The following ITGBL1 variants were observed in gnomAD, a reference collection of about 807,000 sequenced individuals.
The protein encoded by ITGBL1 is integrin beta-like protein 1.
A neutral mutation model predicts 68.5 loss-of-function variants in ITGBL1; 51 were observed. That is an observed-to-expected ratio of 0.74 (90% CI 0.59 to 0.94). ITGBL1 has a LOEUF of 0.94. Among genes scored for constraint, ITGBL1 ranks in the 40% least tolerant of loss-of-function variants. ITGBL1 has a pLI of 0.00. For missense variants in ITGBL1, 649 were observed against 647.4 expected, an observed-to-expected ratio of 1.00 and a Z score of -0.03; for synonymous variants, 209 against 227.3, an observed-to-expected ratio of 0.92 and a Z score of 0.72.
chr13:101,625,454 G>A (rs933900224), intron 7 of ITGBL1, among the ~76,000 whole-genome samples: 6 of 152,156 alleles, frequency 3.9e-5, no homozygotes, highest in African/African-American at 1.4e-4. Flanking sequence ...TTCTTCTGTA[G>A]GTTAAGGGTT....
At chr13:101,611,061 A>C (rs180763520) in intron 7 of ITGBL1, among the ~76,000 whole-genome samples, 3 of 152,172 alleles carry the variant, frequency 2.0e-5, no homozygotes, top group Non-Finnish European at 4.4e-5. Context: ...TTTAGAAAAA[A>C]TAAGAAAATG....
intron 3 of ITGBL1, 62 bp downstream of exon 3, chr13:101,567,907 A>G: frequency 7.4e-7 from 1 of 1,357,122 alleles, no homozygotes; most frequent in Non-Finnish European, 1.0e-6. Flanking sequence ...TTTAATGGAA[A>G]TATGTGGGCG....
intron 7 of ITGBL1, among the ~76,000 whole-genome samples, chr13:101,686,199 A>AACCACC (rs2033750940): frequency 6.6e-6 from 1 of 152,028 alleles, no homozygotes; most frequent in Non-Finnish European, 1.5e-5. Flanking sequence ...TCCTCCCGGC[A>AACCACC]ACCACCACCA....
chr13:101,628,512 A>C (rs2031865659), intron 7 of ITGBL1, among the ~76,000 whole-genome samples: 1 of 151,440 alleles, frequency 6.6e-6, no homozygotes, highest in South Asian at 2.1e-4. Flanking sequence ...AGCTCACTGC[A>C]ACCTCTGCCT....
At chr13:101,470,107 A>T (rs1057492170) in intron 2 of ITGBL1, among the ~76,000 whole-genome samples, 1 of 152,152 alleles carries the variant, frequency 6.6e-6, no homozygotes, top group Non-Finnish European at 1.5e-5. Flanking sequence ...TGGCAACAGG[A>T]GCTGGATCTC....
At chr13:101,656,301 C>A (rs2032922425) in intron 7 of ITGBL1, among the ~76,000 whole-genome samples, 1 of 152,066 alleles carries the variant, frequency 6.6e-6, no homozygotes, top group Admixed American at 6.6e-5. Context: ...ATTGGGAGAA[C>A]CTGGAAGAAA....
rs556394360 is a variant in ITGBL1, at chr13:101,699,580, C to A, written c.1132+6879C>A. Among the ~76,000 whole-genome samples the A allele has an allele frequency of 5.3e-5, 8 of 152,292 alleles. No individual in the cohort carries two copies. The East Asian group carries it at 1.5e-3, about 29-fold the overall frequency. On this transcript the variant is annotated intron_variant, in intron 8 of 10. Transcript: ENST00000376180. Reference sequence around the variant, plus strand: ...CTCTCATACTTCTTCTTCCTGCCATCATGTGACGAAGGACATATTTGCTTC... The same window carrying A: ...CTCTCATACTTCTTCTTCCTGCCATAATGTGACGAAGGACATATTTGCTTC...
chr13:101,694,601 T>G (rs1467451119), intron 8 of ITGBL1, among the ~76,000 whole-genome samples: 1 of 149,370 alleles, frequency 6.7e-6, no homozygotes, highest in African/African-American at 2.6e-5. Flanking sequence ...TTATTTTTTG[T>G]GGAGATTTGG....
chr13:101,484,610 T>C (rs2139046463), intron 2 of ITGBL1, among the ~76,000 whole-genome samples: 1 of 152,288 alleles, frequency 6.6e-6, no homozygotes, highest in South Asian at 2.1e-4. Flanking sequence ...GTATAAATTT[T>C]AGGATTACAA....
intron 2 of ITGBL1, chr13:101,490,069 A>T (rs2048754242): frequency 1.0e-6 from 1 of 965,820 alleles, no homozygotes; most frequent in Non-Finnish European, 1.6e-6. Context: ...TACCCCCAAA[A>T]TTCTGTGTTG....
intron 7 of ITGBL1, among the ~76,000 whole-genome samples, chr13:101,609,648 A>C (rs549863851): frequency 3.9e-5 from 6 of 152,202 alleles, no homozygotes; most frequent in African/African-American, 1.4e-4. Context: ...TGCTATTGTT[A>C]TATTCAACAG....
chr13:101,559,515 C>G (rs1413724698), intron 2 of ITGBL1, among the ~76,000 whole-genome samples: 1 of 152,194 alleles, frequency 6.6e-6, no homozygotes, highest in Non-Finnish European at 1.5e-5. Flanking sequence ...TAATCCAATT[C>G]TAAGCATGTG....
intron 7 of ITGBL1, among the ~76,000 whole-genome samples, chr13:101,601,671 T>C (rs1400484416): frequency 6.6e-6 from 1 of 152,226 alleles, no homozygotes; most frequent in Non-Finnish European, 1.5e-5. Flanking sequence ...ACATCTTTAT[T>C]TCTTCCTTCA....
intron 2 of ITGBL1, among the ~76,000 whole-genome samples, chr13:101,475,518 G>T (rs1006402001): frequency 1.3e-5 from 2 of 151,902 alleles, no homozygotes; most frequent in Non-Finnish European, 2.9e-5. Context: ...TTATTCAAAG[G>T]GATAGCCGAG....
At chr13:101,532,333 T>C (rs2049498279) in intron 2 of ITGBL1, among the ~76,000 whole-genome samples, 1 of 152,226 alleles carries the variant, frequency 6.6e-6, no homozygotes, top group South Asian at 2.1e-4. Flanking sequence ...AGTAGTGTGT[T>C]ATTCACTGCA....
chr13:101,709,607 G>A (rs1437091629), intron 9 of ITGBL1, among the ~76,000 whole-genome samples: 1 of 152,076 alleles, frequency 6.6e-6, no homozygotes, highest in African/African-American at 2.4e-5. Context: ...TTCTGTAATG[G>A]CATTGTCACT....
In ITGBL1 at chr13:101,598,264, G is replaced by T. The variant is rs137943907; in HGVS notation, c.980G>T (p.Cys327Phe). The change falls in exon 7 of 11, where the codon TGC (cysteine) becomes TTC (phenylalanine). Residue 327 changes from cysteine (C) to phenylalanine (F), a missense_variant. Coordinates refer to ENST00000376180, the MANE Select transcript of ITGBL1 (RefSeq NM_004791.3). The stretch of plus-strand genomic sequence containing the variant: ...TCAGCTGAGGAGAGCATCAGGAAGT[G>T]CCAGGGAAGCTCGGATCTGCCTTGC... ...TLSAEESIRK[C>F]QGSSDLPCSG... The T allele has an allele frequency of 6.2e-7, 1 of 1,613,286 alleles. No individual in the cohort carries two copies. The highest frequency in any genetic ancestry group is 8.5e-7 in the Non-Finnish European group (1 of 1,179,714).
chr13:101,531,744 T>C (rs2049484710), intron 2 of ITGBL1, among the ~76,000 whole-genome samples: 1 of 147,954 alleles, frequency 6.8e-6, no homozygotes, highest in Non-Finnish European at 1.5e-5. Flanking sequence ...TATTTATTTA[T>C]GTTTTTTAGA....
In ITGBL1 at chr13:101,598,211, G is replaced by T. The variant is rs562841426; in HGVS notation, c.927G>T (p.Lys309Asn). The T allele has an allele frequency of 4.3e-6, 7 of 1,613,788 alleles. No individual in the cohort carries two copies. The highest frequency in any genetic ancestry group is 3.4e-6 in the Non-Finnish European group (4 of 1,179,924). The change falls in exon 7 of 11, where the codon AAG (lysine) becomes AAT (asparagine). Residue 309 changes from lysine (K) to asparagine (N), a missense_variant. Transcript: ENST00000376180. ...CDCKAGWYGK[K>N]CEHPQSCTLS... ...GCAAAGCAGGCTGGTATGGGAAGAA[G>T]TGTGAGCACCCACAGTCCTGCACGC...
Sources: gnomAD v4.1 joint callset for allele counts (sites outside exome capture counted in the v4.1 genomes callset) on GRCh38, gnomAD v4.1.1 for gene constraint, MANE v1.5 for transcripts, NCBI Gene and HGNC (gene_info 2026-07-23, HGNC 2026-07-21) for gene names.